The following PPP1R12B variants were observed in gnomAD, a reference collection of about 807,000 sequenced individuals.
PPP1R12B encodes protein phosphatase 1 regulatory subunit 12B, also known as myosin phosphatase target subunit 2.
Under a neutral mutation model 126.1 loss-of-function variants are expected in PPP1R12B, and 76 were observed. The observed-to-expected ratio is 0.60, with a 90% CI of 0.50 to 0.73. The LOEUF (loss-of-function observed/expected upper bound fraction) is 0.73. Ranked by LOEUF, PPP1R12B falls within the 30% of genes least tolerant of loss-of-function variation. PPP1R12B has a pLI of 0.00. For missense variants in PPP1R12B, 1,052 were observed against 1,205.1 expected (o/e 0.87, Z 1.88); for synonymous variants, 356 against 434.7 (o/e 0.82, Z 2.25).
At chr1:202,444,240 A>G (rs931089503) in intron 12 of PPP1R12B, among the ~76,000 whole-genome samples, 1 of 152,214 alleles carries the variant, frequency 6.6e-6, no homozygotes, top group African/African-American at 2.4e-5. Context: ...CATATGGCCC[A>G]TATTAAAATA....
At position 202,448,659 on chromosome 1, in the gene PPP1R12B, G is replaced by T. The variant is rs973138314; in HGVS notation, c.1668-330G>T. On this transcript the variant is annotated intron_variant, in intron 12 of 23. Transcript: ENST00000608999. The stretch of plus-strand genomic sequence containing the variant: ...CTCCGTGTGCATGTGCAGAGACCAG[G>T]TGCTACTGGGGTGTCATTTAAAACA... 1.0e-4 allele frequency: 26 copies of T among 250,888 alleles called. No homozygotes were observed. In the East Asian group the frequency reaches 1.9e-3, roughly 18 times the overall value. 15.5% of individuals were successfully genotyped at this position (250,888 alleles called of 1,614,324 possible). A position where few individuals can be genotyped will look rare whatever the true frequency, so the allele number is the denominator to read the frequency against.
intron 13 of PPP1R12B, among the ~76,000 whole-genome samples, chr1:202,456,634 G>A (rs986009867): frequency 1.1e-4 from 17 of 152,158 alleles, no homozygotes; most frequent in African/African-American, 4.1e-4. Context: ...TCATGAAAAG[G>A]GTACTTTGCC....
chr1:202,512,943 A>AT (rs1681705180), intron 18 of PPP1R12B, among the ~76,000 whole-genome samples: 2 of 152,090 alleles, frequency 1.3e-5, no homozygotes, highest in African/African-American at 4.8e-5. Flanking sequence ...TAATCATACT[A>AT]TGTTGTATTT....
chr1:202,525,417 G>C (rs111884727), intron 18 of PPP1R12B, among the ~76,000 whole-genome samples: 285 of 152,104 alleles, frequency 1.9e-3, no homozygotes, highest in African/African-American at 6.7e-3. Context: ...AGAGGTAGTT[G>C]TCAACAGTGT....
At chr1:202,547,283 C>G (rs544546656) in intron 18 of PPP1R12B, among the ~76,000 whole-genome samples, 1 of 152,204 alleles carries the variant, frequency 6.6e-6, no homozygotes, top group Non-Finnish European at 1.5e-5. Context: ...GGGAAACAAT[C>G]AAAGTTGCCT....
At chr1:202,491,309 T>C (rs1466370202) in intron 14 of PPP1R12B, among the ~76,000 whole-genome samples, 3 of 152,066 alleles carry the variant, frequency 2.0e-5, no homozygotes, top group Non-Finnish European at 2.9e-5. Flanking sequence ...TCACCACACC[T>C]GGCTAATTTT....
At chr1:202,499,513 C>T (rs1432767703) in intron 18 of PPP1R12B, among the ~76,000 whole-genome samples, 1 of 152,126 alleles carries the variant, frequency 6.6e-6, no homozygotes, top group Non-Finnish European at 1.5e-5. Flanking sequence ...CCTTGGCCTC[C>T]CAAAATGTTG....
chr1:202,437,833 C>T lies in PPP1R12B; in HGVS notation c.1267C>T (p.Leu423Phe), dbSNP rs141589562. 6.2e-7 allele frequency: 1 copy of T among 1,610,776 alleles called. No individual in the cohort carries two copies. Among genetic ancestry groups the T allele is most frequent in the Non-Finnish European group, 8.5e-7 (1 of 1,177,882 alleles). ...GCTTCTCTCATAGTTCTCTTCTGGC[C>T]TTTTTAACAAGCCAGAAGAGCCCAA... Reference protein sequence around the residue: ...ASSARRFSSGLFNKPEEPKDE... With the variant: ...ASSARRFSSGFFNKPEEPKDE... Residue 423 changes from leucine to phenylalanine, a missense_variant, in exon 10 of 24, where the codon CTT becomes TTT. Coordinates refer to ENST00000608999, the MANE Select transcript of PPP1R12B (RefSeq NM_002481.4).
intron 15 of PPP1R12B, 92 bp downstream of exon 15, chr1:202,493,409 C>T: frequency 7.4e-7 from 1 of 1,351,754 alleles, no homozygotes; most frequent in South Asian, 1.4e-5. Flanking sequence ...AGGCTGTGTT[C>T]TACCTTGCAA....
intron 18 of PPP1R12B, among the ~76,000 whole-genome samples, chr1:202,527,046 AAAGT>A (rs1464353794): frequency 1.3e-5 from 2 of 152,160 alleles, no homozygotes; most frequent in Non-Finnish European, 2.9e-5. Context: ...GAGTAAGCCC[AAAGT>A]AAGTAGAAGG....
intron 18 of PPP1R12B, among the ~76,000 whole-genome samples, chr1:202,544,240 T>TA (rs1685425992): frequency 6.6e-6 from 1 of 152,336 alleles, no homozygotes; most frequent in South Asian, 2.1e-4. Flanking sequence ...TCTTCGTAGT[T>TA]AAAGAAAAAA....
intron 13 of PPP1R12B, among the ~76,000 whole-genome samples, chr1:202,485,746 G>C (rs746770880): frequency 1.3e-5 from 2 of 152,000 alleles, no homozygotes; most frequent in Non-Finnish European, 2.9e-5. Context: ...GTACTTCTTT[G>C]GTCATTTTAA....
At chr1:202,469,392 G>A (rs1675526227) in intron 13 of PPP1R12B, among the ~76,000 whole-genome samples, 1 of 152,088 alleles carries the variant, frequency 6.6e-6, no homozygotes, top group Non-Finnish European at 1.5e-5. Flanking sequence ...TAACTATTGG[G>A]TACTAGGCTT....
At chr1:202,472,774 G>T (rs1376695567) in intron 13 of PPP1R12B, among the ~76,000 whole-genome samples, 1 of 152,214 alleles carries the variant, frequency 6.6e-6, no homozygotes, top group Non-Finnish European at 1.5e-5. Context: ...ATCAGCAAAT[G>T]TTTTCTGCAA....
In PPP1R12B at chr1:202,516,881, A is replaced by G. The variant is rs571854543; in HGVS notation, c.2490+20059A>G. Among the ~76,000 whole-genome samples, 6 of 152,144 alleles carry G rather than the reference A, an allele frequency of 3.9e-5. No individual in the cohort carries two copies. The South Asian group carries it at 1.2e-3, about 32-fold the overall frequency. On this transcript the variant is annotated intron_variant, in intron 18 of 23. Coordinates refer to ENST00000608999, the MANE Select transcript of PPP1R12B (RefSeq NM_002481.4). ...GGAGCATTTTCCACATGTTATGCTAACAGTTATGAAAATAGCTAGTTATTG... is the reference window on the plus strand; with the variant it reads ...GGAGCATTTTCCACATGTTATGCTAGCAGTTATGAAAATAGCTAGTTATTG...
intron 18 of PPP1R12B, among the ~76,000 whole-genome samples, chr1:202,520,740 G>C (rs1213456339): frequency 6.6e-6 from 1 of 152,194 alleles, no homozygotes; most frequent in Non-Finnish European, 1.5e-5. Flanking sequence ...TTCTAGGTCA[G>C]GGTGGCAGAG....
rs1685962522 is a variant in PPP1R12B, at chr1:202,548,798, CTCTCTCTCTCTATATATATA to C, written c.2491-10077_2491-10058del. ...GCTGTCTCTCTCTCTCTCTCTCTCT[CTCTCTCTCTCTATATATATA>C]TATATATATATATATATAATTTTAG... On this transcript the variant is annotated intron_variant, in intron 18 of 23. Coordinates refer to ENST00000608999, the MANE Select transcript of PPP1R12B (RefSeq NM_002481.4). Among the ~76,000 whole-genome samples, 14 of 109,028 alleles carry C rather than the reference CTCTCTCTCTCTATATATATA, an allele frequency of 1.3e-4. No individual in the cohort carries two copies. The Admixed American group carries it at 1.5e-3, about 11-fold the overall frequency. The allele number at this position is 109,028 out of a possible 152,430, so 71.5% of individuals were successfully genotyped here.
chr1:202,417,401 A>G (rs769872435), intron 2 of PPP1R12B: 1 of 985,426 alleles, frequency 1.0e-6, no homozygotes, highest in Non-Finnish European at 1.2e-6. Context: ...AACAAAGGAA[A>G]GGTGGGCACT....
At chr1:202,443,064 C>T (rs1244811703) in intron 12 of PPP1R12B, 1 of 969,474 alleles carries the variant, frequency 1.0e-6, no homozygotes, top group Non-Finnish European at 1.2e-6. Flanking sequence ...TGTTTTTTTT[C>T]TTATGACTTT....
Sources: allele counts gnomAD v4.1 joint callset (sites outside exome capture counted in the v4.1 genomes callset), GRCh38; gene constraint gnomAD v4.1.1; transcripts MANE v1.5; gene names NCBI Gene and HGNC (gene_info 2026-07-23, HGNC 2026-07-21).